Variants in NOS2 observed in about 807,000 individuals in gnomAD.
NOS2 encodes the protein nitric oxide synthase, inducible.
Under a neutral mutation model 136.0 loss-of-function variants are expected in NOS2, and 96 were observed. That is an observed-to-expected ratio of 0.71 (90% CI 0.60 to 0.84). The LOEUF (loss-of-function observed/expected upper bound fraction) is 0.84, where lower values mean the gene tolerates loss of function less well. Ranked by LOEUF, NOS2 falls within the 40% of genes least tolerant of loss-of-function variation. The pLI is 0.00. For synonymous variants in NOS2, 539 were observed against 587.5 expected (o/e 0.92, Z 1.20); for missense variants, 1,237 against 1,496.9 (o/e 0.83, Z 2.87).
At position 27,767,856 on chromosome 17, in the gene NOS2, G is replaced by A. The variant is rs1304252124; in HGVS notation, c.2035-19C>T. On this transcript the variant is annotated intron_variant, in intron 17 of 26. Coordinates refer to ENST00000313735, the MANE Select transcript of NOS2 (RefSeq NM_000625.4). ...AGGCTGCCTGGAAGAAGGTGGAGCA[G>A]ACTGCGGTTAATGGTCAGCAGCAGC... 3 of 1,610,736 alleles carry A rather than the reference G, an allele frequency of 1.9e-6. No homozygotes were observed. The highest frequency in any genetic ancestry group is 2.7e-5 in the African/African-American group (2 of 74,834).
intron 25 of NOS2, 27 bp downstream of exon 25, chr17:27,760,003 C>T: frequency 6.7e-7 from 1 of 1,492,402 alleles, no homozygotes; most frequent in Non-Finnish European, 8.9e-7. Context: ...GTGTGTAATG[C>T]TTCACCTGCT....
At chr17:27,773,434 C>T (rs1218083682) in intron 12 of NOS2, among the ~76,000 whole-genome samples, 191 bp from the exon 13 acceptor site, 1 of 152,246 alleles carries the variant, frequency 6.6e-6, no homozygotes, top group Non-Finnish European at 1.5e-5. Context: ...GTTGCCTCTC[C>T]ACTGCCCGGC....
At chr17:27,765,468 AG>A in intron 20 of NOS2, 66 bp downstream of exon 20, 1 of 1,431,772 alleles carries the variant, frequency 7.0e-7, no homozygotes, top group Non-Finnish European at 9.4e-7. Flanking sequence ...GCCCAGGCTC[AG>A]CCCCTCAGCC....
At chr17:27,771,140 C>G in intron 14 of NOS2, 123 bp from the exon 15 acceptor site, 1 of 681,016 alleles carries the variant, frequency 1.5e-6, no homozygotes, top group East Asian at 2.7e-5. Flanking sequence ...TCATCTGTCT[C>G]TCCCAGGGCC....
At position 27,760,162 on chromosome 17, in the gene NOS2, G is replaced by C; in HGVS notation, c.3027C>G (p.Arg1009=). The C allele has an allele frequency of 6.3e-7, 1 of 1,584,132 alleles. No individual in the cohort carries two copies. Among genetic ancestry groups the C allele is most frequent in the Non-Finnish European group, 8.6e-7 (1 of 1,166,634 alleles). The change falls in exon 25 of 27, where the codon CGC becomes CGG. Residue 1009 remains arginine (R), a synonymous_variant. Coordinates refer to ENST00000313735, the MANE Select transcript of NOS2 (RefSeq NM_000625.4). ...DSQHKGVRGG[R]MTLVFGCRRP... Reference sequence around the variant, plus strand: ...GGCGGCACCCAAACACCAAGGTCATGCGGCCTCCCCGCACTCCTGCAGGAG... The same window carrying C: ...GGCGGCACCCAAACACCAAGGTCATCCGGCCTCCCCGCACTCCTGCAGGAG...
Position 27,766,586 on chromosome 17 carries a change from G to A in NOS2, c.2170C>T (p.Leu724Phe). Residue 724 changes from leucine to phenylalanine, a missense_variant and splice_region_variant, in exon 19 of 27, where the codon CTC becomes TTC. Leu to Phe is a conservative substitution (Grantham distance 22). Transcript: ENST00000313735. Reference sequence around the variant, plus strand: ...ACGTTCTTGGCATGCATGCTGCTGAGGGCTGTGGAGGACACAGAGACGGTG... The same window carrying A: ...ACGTTCTTGGCATGCATGCTGCTGAAGGCTGTGGAGGACACAGAGACGGTG... ...DSQPLDLSKA[L>F]SSMHAKNVFT... is the part of the protein sequence containing the mutation. 6.2e-7 allele frequency: 1 copy of A among 1,613,852 alleles called. No individual in the cohort carries two copies. The highest frequency in any genetic ancestry group is 8.5e-7 in the Non-Finnish European group (1 of 1,179,750).
At chr17:27,788,660 A>G in intron 4 of NOS2, 149 bp downstream of exon 4, 1 of 875,268 alleles carries the variant, frequency 1.1e-6, no homozygotes, top group Admixed American at 2.9e-5. Flanking sequence ...TCCTACTGTA[A>G]TCTGTGAGGA....
chr17:27,772,538 A>G, intron 13 of NOS2, 86 bp from the exon 14 acceptor site: 1 of 1,509,492 alleles, frequency 6.6e-7, no homozygotes, highest in South Asian at 1.2e-5. Context: ...GGGAGGGGAC[A>G]GCGTTTAATG....
Position 27,782,056 on chromosome 17 carries a change from G to C in NOS2, c.681C>G (p.Ile227Met), listed in dbSNP as rs138529021. The change falls in exon 7 of 27, where the codon ATC becomes ATG. Residue 227 changes from isoleucine to methionine, a missense_variant. Around this residue, in one of 3 missense-constraint regions of NOS2, gnomAD observed 440 missense variants for 545.4 expected, o/e 0.81. Transcript: ENST00000313735. ...CSTAREMFEH[I>M]CRHVRYSTNN... is the part of the protein sequence containing the mutation. ...TGGTGGAGTAACGCACGTGTCTGCA[G>C]ATGTGTTCAAACATTTCCCGGGCAG... The C allele has an allele frequency of 7.0e-4, 1,124 of 1,614,068 alleles. 2 individuals carry two copies. Among genetic ancestry groups the C allele is most frequent in the Non-Finnish European group, 8.8e-4 (1,042 of 1,180,050 alleles).
In NOS2 at chr17:27,772,217, G is replaced by A. The variant is rs142000084; in HGVS notation, c.1704+91C>T. Reference sequence around the variant, plus strand: ...CACATTACCACATCCAAGACTCTGAGACATCCAGGAGTGGGGAAACCGTTT... The same window carrying A: ...CACATTACCACATCCAAGACTCTGAAACATCCAGGAGTGGGGAAACCGTTT... On this transcript the variant is annotated intron_variant, in intron 14 of 26. Transcript: ENST00000313735. 5 of 1,404,322 alleles carry A rather than the reference G, an allele frequency of 3.6e-6. No homozygotes were observed. The East Asian group carries it at 1.1e-4, about 32-fold the overall frequency. 87.0% of individuals were successfully genotyped at this position (1,404,322 alleles called of 1,614,324 possible). A position where few individuals can be genotyped will look rare whatever the true frequency, so the allele number is the denominator to read the frequency against.
intron 5 of NOS2, 32 bp from the exon 6 acceptor site, chr17:27,783,138 C>A: frequency 6.2e-7 from 1 of 1,610,612 alleles, no homozygotes; most frequent in Non-Finnish European, 8.5e-7. Flanking sequence ...GGAAGATCAA[C>A]AATGAGATGG....
chr17:27,763,171 G>A (rs1818902526), intron 21 of NOS2, among the ~76,000 whole-genome samples, 166 bp from the exon 22 acceptor site: 1 of 152,296 alleles, frequency 6.6e-6, no homozygotes, highest in South Asian at 2.1e-4. Context: ...CAAAATAAGT[G>A]CCTGTCCTGG....
Position 27,782,864 on chromosome 17 carries a change from C to T in NOS2, c.630+80G>A, listed in dbSNP as rs1395036457. The T allele has an allele frequency of 5.6e-6, 8 of 1,429,978 alleles. No individual in the cohort carries two copies. In the African/African-American group the frequency reaches 9.8e-5, roughly 18 times the overall value. 88.6% of individuals were successfully genotyped at this position (1,429,978 alleles called of 1,614,324 possible). A position where few individuals can be genotyped will look rare whatever the true frequency, so the allele number is the denominator to read the frequency against. On this transcript the variant is annotated intron_variant, in intron 6 of 26. Transcript: ENST00000313735. Reference sequence around the variant, plus strand: ...TCAGTCCCAGGAGGCCTGGGCACAGCTCTGTGTGGCTGTTCCAAGCCATCT... The same window carrying T: ...TCAGTCCCAGGAGGCCTGGGCACAGTTCTGTGTGGCTGTTCCAAGCCATCT...
At position 27,775,901 on chromosome 17, in the gene NOS2, A is replaced by C. The variant is rs550626582; in HGVS notation, c.1282-1450T>G. 2.0e-5 allele frequency among the ~76,000 whole-genome samples: 3 copies of C among 152,390 alleles called. No homozygotes were observed. The East Asian group carries it at 5.8e-4, about 29-fold the overall frequency. On this transcript the variant is annotated intron_variant, in intron 11 of 26. Coordinates refer to ENST00000313735, the MANE Select transcript of NOS2 (RefSeq NM_000625.4). ...CTCTTATAATCTCCATCTGCCAGGC[A>C]CTGCATAAGGCATCGGCGTTATAGA...
At position 27,780,780 on chromosome 17, in the gene NOS2, T is replaced by C; in HGVS notation, c.991A>G (p.Met331Val). The change falls in exon 9 of 27, where the codon ATG becomes GTG. Residue 331 changes from methionine (M) to valine (V), a missense_variant. Met to Val is a conservative substitution (Grantham distance 21, BLOSUM62 1). Coordinates refer to ENST00000313735, the MANE Select transcript of NOS2 (RefSeq NM_000625.4). ...IPPDLVLEVA[M>V]EHPKYEWFRE... ...CAGCCTACTTACTTGGGATGTTCCA[T>C]GGCCACCTCAAGCACAAGGTCAGGT... 6.2e-7 allele frequency: 1 copy of C among 1,614,184 alleles called. No individual in the cohort carries two copies.
intron 25 of NOS2, 80 bp from the exon 26 acceptor site, chr17:27,759,155 G>A: frequency 1.9e-6 from 2 of 1,030,246 alleles, no homozygotes; most frequent in African/African-American, 1.7e-5. Flanking sequence ...GCCTCAAGGA[G>A]GCGGGGAGAG....
At position 27,798,585 on chromosome 17, in the gene NOS2, A is replaced by G. The variant is rs1002224176; in HGVS notation, c.110+115T>C. On this transcript the variant is annotated intron_variant, in intron 2 of 26. Transcript: ENST00000313735. ...CAGGGACTTTCAAGAAGCAATGAGG[A>G]GATCAGACCTCAGGTGAGAGAGGAG... 1.0e-5 allele frequency: 7 copies of G among 696,888 alleles called. No individual in the cohort carries two copies. In the African/African-American group the frequency reaches 1.1e-4, roughly 11 times the overall value. The allele number at this position is 696,888 out of a possible 1,614,324, so 43.2% of individuals were successfully genotyped here.
At chr17:27,770,505 T>C (rs558904849) in intron 15 of NOS2, among the ~76,000 whole-genome samples, 10 of 151,370 alleles carry the variant, frequency 6.6e-5, no homozygotes, top group East Asian at 6.4e-4. Flanking sequence ...AATAAATAAA[T>C]AAACAAACAA....
chr17:27,785,654 G>C (rs1341419777), intron 5 of NOS2, among the ~76,000 whole-genome samples: 1 of 152,052 alleles, frequency 6.6e-6, no homozygotes, highest in African/African-American at 2.4e-5. Context: ...AGACATTCTA[G>C]GGTTGTAGAA....
Sources: gnomAD v4.1 joint callset for allele counts (sites outside exome capture counted in the v4.1 genomes callset) on GRCh38, gnomAD v4.1.1 for gene constraint, gnomAD v4.1.1 regional missense constraint, MANE v1.5 for transcripts, NCBI Gene and HGNC (gene_info 2026-07-23, HGNC 2026-07-21) for gene names.